MYCBP2: variants seen among roughly 807,000 people sequenced by gnomAD.
The protein encoded by MYCBP2 is MYC binding protein 2.
Under a neutral mutation model 525.3 loss-of-function variants are expected in MYCBP2, and 120 were observed. The ratio of observed to expected loss-of-function variants is 0.23; its 90% CI spans 0.20 to 0.27. MYCBP2 has a LOEUF of 0.27. MYCBP2 is among the 10% of genes least tolerant of loss of function. MYCBP2 has a pLI of 1.00. For missense variants in MYCBP2, 4,149 were observed against 5,657.1 expected, an observed-to-expected ratio of 0.73 and a Z score of 8.55; for synonymous variants, 1,894 against 1,955.8, an observed-to-expected ratio of 0.97 and a Z score of 0.83.
At chr13:77,232,482 C>T (rs1284198099) in intron 18 of MYCBP2, among the ~76,000 whole-genome samples, 2 of 152,104 alleles carry the variant, frequency 1.3e-5, no homozygotes, top group Non-Finnish European at 2.9e-5. Flanking sequence ...AATAAGCATG[C>T]TTTAAGAATA....
At chr13:77,129,551 A>G (rs2052366693) in intron 52 of MYCBP2, 1 of 179,776 alleles carries the variant, frequency 5.6e-6, no homozygotes. Context: ...ATGAGGATGT[A>G]TTTGTTCTAA....
chr13:77,087,457 C>T (rs994773539), intron 62 of MYCBP2, 27 bp downstream of exon 62: 4 of 1,573,068 alleles, frequency 2.5e-6, no homozygotes, highest in Non-Finnish European at 3.5e-6. Context: ...TAAAAATATG[C>T]ACAATCAAAA....
Position 77,059,613 on chromosome 13 carries a change from C to A in MYCBP2, c.13050G>T (p.Thr4350=). Residue 4350 remains threonine (T), a synonymous_variant, in exon 77 of 83, where the codon ACG becomes ACT. Transcript: ENST00000544440. ...EFREHTGKPT[T]SSSEACRFCG... is the part of the protein sequence containing the mutation. ...AGAAGCGACATGCTTCTGAGCTACT[C>A]GTGGTGGGTTTGCCTAGGTTCAAGC... The A allele has an allele frequency of 6.2e-7, 1 of 1,613,756 alleles. No individual in the cohort carries two copies. Among genetic ancestry groups the A allele is most frequent in the South Asian group, 1.1e-5 (1 of 91,068 alleles).
intron 55 of MYCBP2, among the ~76,000 whole-genome samples, chr13:77,104,765 TGAC>T (rs1421586036): frequency 6.6e-6 from 1 of 152,084 alleles, no homozygotes; most frequent in African/African-American, 2.4e-5. Flanking sequence ...AGTCACAGAC[TGAC>T]TACAGCAGTT....
Position 77,121,451 on chromosome 13 carries a change from G to A in MYCBP2, c.8062C>T (p.Pro2688Ser). The A allele has an allele frequency of 6.3e-7, 1 of 1,586,088 alleles. No individual in the cohort carries two copies. The highest frequency in any genetic ancestry group is 8.6e-7 in the Non-Finnish European group (1 of 1,161,514). ...DQNSQTPPPS[P>S]FSVQAFNKGA... is the part of the protein sequence containing the mutation. ...TTATTAAAAGCTTGCACTGAGAAAG[G>A]GCTTGGAGGAGGAGTTTGAGAATTC... The change falls in exon 55 of 83, where the codon CCT (proline) becomes TCT (serine). Residue 2688 changes from proline (P) to serine (S), a missense_variant. By Grantham distance (74) the Pro-to-Ser change is moderately conservative. Coordinates refer to ENST00000544440, the MANE Select transcript of MYCBP2 (RefSeq NM_015057.5).
rs2039543713 is a variant in MYCBP2 at position 77,062,822 on chromosome 13, G to A, written c.12673-125C>T. ...TTTGAAAATACATAGATACTCAGTG[G>A]CACTCAAGTCTTCCTGATGTGGTAG... On this transcript the variant is annotated intron_variant, in intron 73 of 82. Transcript: ENST00000544440. 5 of 702,014 alleles carry A rather than the reference G, an allele frequency of 7.1e-6. No individual in the cohort carries two copies. In the East Asian group the frequency reaches 1.3e-4, roughly 19 times the overall value. 43.5% of individuals were successfully genotyped at this position (702,014 alleles called of 1,614,324 possible).
In MYCBP2 at chr13:77,211,964, T is replaced by C; in HGVS notation, c.3254A>G (p.His1085Arg). 6.2e-7 allele frequency: 1 copy of C among 1,613,546 alleles called. No individual in the cohort carries two copies. Among genetic ancestry groups the C allele is most frequent in the Non-Finnish European group, 8.5e-7 (1 of 1,179,520 alleles). Reference sequence around the variant, plus strand: ...TTTATTTCTGGTATTACCTATTATGTGTTTACTGGCAAAAATTTCTGATGT... The same window carrying C: ...TTTATTTCTGGTATTACCTATTATGCGTTTACTGGCAAAAATTTCTGATGT... Reference protein sequence around the residue: ...LATSEIFASKHIIGLVPASIS... With the variant: ...LATSEIFASKRIIGLVPASIS... The change falls in exon 22 of 83, where the codon CAC (histidine) becomes CGC (arginine). Residue 1085 changes from histidine to arginine, a missense_variant. By Grantham distance (29) the His-to-Arg change is conservative. Around this residue, in one of 21 missense-constraint regions of MYCBP2, gnomAD observed 620 missense variants for 795.5 expected, o/e 0.78. Coordinates refer to ENST00000544440, the MANE Select transcript of MYCBP2 (RefSeq NM_015057.5).
chr13:77,120,255 A>G (rs2050455158), intron 55 of MYCBP2, among the ~76,000 whole-genome samples: 1 of 152,200 alleles, frequency 6.6e-6, no homozygotes, highest in African/African-American at 2.4e-5. Context: ...GATCTAGCTT[A>G]AGTTAATGGA....
At position 77,263,722 on chromosome 13, in the gene MYCBP2, T is replaced by C. The variant is rs1407451114; in HGVS notation, c.1499A>G (p.Lys500Arg). 1 of 1,613,062 alleles carries C rather than the reference T, an allele frequency of 6.2e-7. No homozygotes were observed. Residue 500 changes from lysine (K) to arginine (R), a missense_variant, in exon 10 of 83, where the codon AAA (lysine) becomes AGA (arginine). Transcript: ENST00000544440. ...EPVLQQELQL[K>R]LARKCLHACG... ...GGCATGTAAGCATTTTCTAGCCAGT[T>C]TAAGTTGCAATTCTTGCTGTAGAAC...
chr13:77,055,427 T>C lies in MYCBP2; in HGVS notation c.13647+131A>G, dbSNP rs527974574. The C allele has an allele frequency of 2.3e-5, 18 of 769,774 alleles. No individual in the cohort carries two copies. In the East Asian group the frequency reaches 2.4e-4, roughly 10 times the overall value. 47.7% of individuals were successfully genotyped at this position (769,774 alleles called of 1,614,324 possible). On this transcript the variant is annotated intron_variant, in intron 80 of 82. Coordinates refer to ENST00000544440, the MANE Select transcript of MYCBP2 (RefSeq NM_015057.5). ...GTTTTACTGGAAACATTGGGAAACA[T>C]TGTACCAAGCTATCTTATTTTTAAC...
chr13:77,269,931 A>C, intron 7 of MYCBP2, 61 bp downstream of exon 7: 1 of 1,246,876 alleles, frequency 8.0e-7, no homozygotes, highest in Non-Finnish European at 1.2e-6. Flanking sequence ...TGATTAAACA[A>C]GGACAAATCA....
At chr13:77,165,157 G>C in intron 42 of MYCBP2, 116 bp downstream of exon 42, 1 of 828,546 alleles carries the variant, frequency 1.2e-6, no homozygotes, top group South Asian at 1.5e-5. Context: ...CACTGCACCA[G>C]GCCCCAATTT....
In MYCBP2 at chr13:77,050,189, G is replaced by A. The variant is rs1003330563; in HGVS notation, c.13921+808C>T. On this transcript the variant is annotated intron_variant, in intron 82 of 82. Transcript: ENST00000544440. ...AGAGGGAGTGCTGAAGGGTTGATAC[G>A]CTGGTAATTTTGAGAGGCACTATTA... Among the ~76,000 whole-genome samples, 8 of 152,070 alleles carry A rather than the reference G, an allele frequency of 5.3e-5. 1 individual carries two copies. Among genetic ancestry groups the A allele is most frequent in the African/African-American group, 1.7e-4 (7 of 41,396 alleles).
intron 11 of MYCBP2, 95 bp downstream of exon 11, chr13:77,261,958 C>G: frequency 1.0e-6 from 1 of 954,990 alleles, no homozygotes; most frequent in Non-Finnish European, 1.5e-6. Context: ...GATGATTCTT[C>G]TTAAACATGC....
intron 17 of MYCBP2, among the ~76,000 whole-genome samples, chr13:77,241,801 T>C (rs1044144343): frequency 1.3e-5 from 2 of 152,190 alleles, no homozygotes; most frequent in Non-Finnish European, 2.9e-5. Context: ...TCACCATGTG[T>C]ATTATACATT....
intron 14 of MYCBP2, among the ~76,000 whole-genome samples, chr13:77,252,477 G>A (rs1477107619): frequency 6.6e-6 from 1 of 152,152 alleles, no homozygotes; most frequent in African/African-American, 2.4e-5. Context: ...GGTTTTGAAG[G>A]AACACAGTGT....
At chr13:77,180,349 T>C (rs1427001599) in intron 33 of MYCBP2, 31 bp from the exon 34 acceptor site, 5 of 1,591,718 alleles carry the variant, frequency 3.1e-6, no homozygotes, top group Non-Finnish European at 4.3e-6. Context: ...TTCTAAGGTA[T>C]TGTTTTATTT....
At chr13:77,269,592 C>G (rs938524104) in intron 7 of MYCBP2, among the ~76,000 whole-genome samples, 1 of 152,018 alleles carries the variant, frequency 6.6e-6, no homozygotes, top group Non-Finnish European at 1.5e-5. Context: ...TGCCACTCCA[C>G]TCTAACCTGG....
Position 77,059,707 on chromosome 13 carries a change from A to G in MYCBP2, c.13037-81T>C, listed in dbSNP as rs2038922994. On this transcript the variant is annotated intron_variant, in intron 76 of 82. Transcript: ENST00000544440. The stretch of plus-strand genomic sequence containing the variant: ...AACAGAACTAAATTTTAAAAAGCAA[A>G]CTAGGTTTGTATAAGTTGCTATCCT... The G allele has an allele frequency of 4.3e-5, 42 of 973,930 alleles. No homozygotes were observed. In the South Asian group the frequency reaches 5.7e-4, roughly 13 times the overall value. The allele number at this position is 973,930 out of a possible 1,614,324, so 60.3% of individuals were successfully genotyped here. A position where few individuals can be genotyped will look rare whatever the true frequency, so the allele number is the denominator to read the frequency against.
Sources: gnomAD v4.1 joint callset for allele counts (sites outside exome capture counted in the v4.1 genomes callset) on GRCh38, gnomAD v4.1.1 for gene constraint, gnomAD v4.1.1 regional missense constraint, MANE v1.5 for transcripts, NCBI Gene and HGNC (gene_info 2026-07-23, HGNC 2026-07-21) for gene names.